The following SLCO5A1 variants were observed in gnomAD, a reference collection of about 807,000 sequenced individuals.
SLCO5A1 encodes the protein solute carrier organic anion transporter family member 5A1.
Under a neutral mutation model 65.1 loss-of-function variants are expected in SLCO5A1, and 39 were observed. The ratio of observed to expected loss-of-function variants is 0.60; its 90% CI spans 0.46 to 0.78. SLCO5A1 has a LOEUF of 0.78. Ranked by LOEUF, SLCO5A1 falls within the 30% of genes least tolerant of loss-of-function variation. The pLI, the probability that SLCO5A1 is intolerant of heterozygous loss-of-function variation, is 0.00. For missense variants in SLCO5A1, 1,029 were observed against 1,069.4 expected (o/e 0.96, Z 0.53); for synonymous variants, 438 against 415.7 (o/e 1.05, Z -0.65).
At chr8:69,825,155 A>T (rs996423282) in intron 2 of SLCO5A1, among the ~76,000 whole-genome samples, 2 of 152,164 alleles carry the variant, frequency 1.3e-5, no homozygotes, top group African/African-American at 4.8e-5. Context: ...TCTCTGACAA[A>T]CCCACAGCCA....
Position 69,832,801 on chromosome 8 carries a change from G to A in SLCO5A1, c.-128C>T, listed in dbSNP as rs1038111755. The stretch of plus-strand genomic sequence containing the variant: ...ACCTGGGACTGGGGCTGGGGGCGCA[G>A]GGCCGCGCAGCAGGGCATCCTCACC... On this transcript the variant is annotated 5_prime_UTR_variant, in exon 2 of 10. Transcript: ENST00000260126. The surrounding 1 kb of genome is among the most constrained non-coding windows in gnomAD (Gnocchi z 4.5). 3.0e-5 allele frequency: 33 copies of A among 1,111,710 alleles called. No individual in the cohort carries two copies. The African/African-American group carries it at 3.8e-4, about 13-fold the overall frequency. 68.9% of individuals were successfully genotyped at this position (1,111,710 alleles called of 1,614,324 possible).
chr8:69,714,812 C>T (rs1815436888), intron 5 of SLCO5A1: 1 of 152,192 alleles, frequency 6.6e-6, no homozygotes, highest in Non-Finnish European at 1.5e-5. Context: ...CTCATTCACT[C>T]ATAATAACAC....
At chr8:69,828,013 C>T (rs935516825) in intron 2 of SLCO5A1, among the ~76,000 whole-genome samples, 1 of 152,090 alleles carries the variant, frequency 6.6e-6, no homozygotes, top group Non-Finnish European at 1.5e-5. Context: ...GAAGGAAGCT[C>T]GAGGGCCCTG....
chr8:69,812,991 C>T (rs920235977), intron 2 of SLCO5A1, among the ~76,000 whole-genome samples: 48 of 152,268 alleles, frequency 3.2e-4, no homozygotes, highest in African/African-American at 1.1e-3. Flanking sequence ...CCCTTTCCAG[C>T]TGAAATAAAA....
Position 69,832,913 on chromosome 8 carries a change from G to A in SLCO5A1, c.-240C>T. The stretch of plus-strand genomic sequence containing the variant: ...GCCACAGGGGGCAGGGGTCCGCGCG[G>A]TACTGCGATGAGCCCTACTCGGCGT... On this transcript the variant is annotated 5_prime_UTR_variant, in exon 2 of 10. Transcript: ENST00000260126. The surrounding 1 kb of genome is among the most constrained non-coding windows in gnomAD (Gnocchi z 4.5). The A allele has an allele frequency of 1.8e-6, 1 of 548,946 alleles. No homozygotes were observed. The allele number at this position is 548,946 out of a possible 1,614,324, so 34.0% of individuals were successfully genotyped here. A position where few individuals can be genotyped will look rare whatever the true frequency, so the allele number is the denominator to read the frequency against.
chr8:69,767,047 T>C (rs1818090077), intron 2 of SLCO5A1, among the ~76,000 whole-genome samples: 2 of 152,194 alleles, frequency 1.3e-5, no homozygotes, highest in African/African-American at 2.4e-5. Context: ...ACTTGATAAA[T>C]TTCATGTTTT....
chr8:69,784,994 G>T (rs78156860), intron 2 of SLCO5A1, among the ~76,000 whole-genome samples: 1 of 139,680 alleles, frequency 7.2e-6, no homozygotes, highest in Non-Finnish European at 1.5e-5. Flanking sequence ...AAAGAAAAGC[G>T]AAAGAAAGAA....
intron 3 of SLCO5A1, 70 bp downstream of exon 3, chr8:69,761,673 T>C: frequency 3.3e-6 from 5 of 1,536,544 alleles, no homozygotes; most frequent in Non-Finnish European, 4.4e-6. Flanking sequence ...AAATTTTAAA[T>C]ACAAGTGTAC....
rs1813387340 is a variant in SLCO5A1 at position 69,672,956 on chromosome 8, G to A, written c.2460C>T (p.Thr820=). 2 of 1,614,218 alleles carry A rather than the reference G, an allele frequency of 1.2e-6. No individual in the cohort carries two copies. Among genetic ancestry groups the A allele is most frequent in the Non-Finnish European group, 1.7e-6 (2 of 1,180,042 alleles). Residue 820 remains threonine (T), a synonymous_variant, in exon 10 of 10, where the codon ACC becomes ACT. Transcript: ENST00000260126. ...LQKGIQCAAQ[T]YPGPFPEAIS... ...TTGCTTCTGGGAAGGGCCCCGGGTA[G>A]GTCTGTGCTGCGCACTGGATCCCTT...
chr8:69,792,672 A>G (rs888021346), intron 2 of SLCO5A1, among the ~76,000 whole-genome samples: 3 of 152,210 alleles, frequency 2.0e-5, no homozygotes, highest in Non-Finnish European at 4.4e-5. Context: ...TGAGAGGTTT[A>G]GGAGAAAAGA....
At chr8:69,801,379 T>C (rs1368187505) in intron 2 of SLCO5A1, among the ~76,000 whole-genome samples, 1 of 152,244 alleles carries the variant, frequency 6.6e-6, no homozygotes, top group Non-Finnish European at 1.5e-5. Flanking sequence ...GTCTTTTTTT[T>C]CCTAATTATT....
chr8:69,682,248 T>C lies in SLCO5A1; in HGVS notation c.1718A>G (p.Asp573Gly). 1 of 1,613,222 alleles carries C rather than the reference T, an allele frequency of 6.2e-7. No individual in the cohort carries two copies. The highest frequency in any genetic ancestry group is 8.5e-7 in the Non-Finnish European group (1 of 1,179,680). The change falls in exon 7 of 10, where the codon GAT (aspartate) becomes GGT (glycine). Residue 573 changes from aspartate to glycine, a missense_variant. Asp to Gly is a moderately conservative substitution (Grantham distance 94). Around this residue, in one of 3 missense-constraint regions of SLCO5A1, gnomAD observed 124 missense variants for 184.5 expected, o/e 0.67. Coordinates refer to ENST00000260126, the MANE Select transcript of SLCO5A1 (RefSeq NM_030958.3). ...ACAAGGGTTAAAGTATGTAATTCCA[T>C]CTGATCCACAGACTGGCTCATACTC... ...IHEYEPVCGS[D>G]GITYFNPCLA...
intron 6 of SLCO5A1, among the ~76,000 whole-genome samples, chr8:69,683,512 C>T (rs1415537711): frequency 6.6e-6 from 1 of 151,996 alleles, no homozygotes; most frequent in Non-Finnish European, 1.5e-5. Context: ...ATGTACATTG[C>T]ACTCAATAGG....
chr8:69,741,725 A>T (rs1463963020), intron 4 of SLCO5A1, among the ~76,000 whole-genome samples: 5 of 152,242 alleles, frequency 3.3e-5, no homozygotes, highest in African/African-American at 9.6e-5. Flanking sequence ...GCCTGCAAAC[A>T]TGCATAAATC....
chr8:69,833,311 A>G (rs1032619042), intron 1 of SLCO5A1, 142 bp from the exon 2 acceptor site: 1 of 152,352 alleles, frequency 6.6e-6, no homozygotes, highest in Non-Finnish European at 1.5e-5. Flanking sequence ...GCCCCGGAGG[A>G]CTAGGCAGCA....
chr8:69,809,916 A>G (rs1820149034), intron 2 of SLCO5A1, among the ~76,000 whole-genome samples: 1 of 152,186 alleles, frequency 6.6e-6, no homozygotes, highest in Admixed American at 6.5e-5. Flanking sequence ...TATGGAGCAC[A>G]ACAATGGTGA....
At chr8:69,709,443 T>A (rs1644350910) in intron 5 of SLCO5A1, among the ~76,000 whole-genome samples, 1 of 152,228 alleles carries the variant, frequency 6.6e-6, no homozygotes, top group African/African-American at 2.4e-5. Flanking sequence ...AGAGGATAAA[T>A]CCGTGGGTGA....
chr8:69,719,990 G>A (rs1223064661), intron 5 of SLCO5A1, among the ~76,000 whole-genome samples: 1 of 152,152 alleles, frequency 6.6e-6, no homozygotes, highest in African/African-American at 2.4e-5. Context: ...CAACAATTGG[G>A]TAGAAATTAC....
At chr8:69,779,024 A>G (rs563292466) in intron 2 of SLCO5A1, among the ~76,000 whole-genome samples, 27 of 152,330 alleles carry the variant, frequency 1.8e-4, no homozygotes, top group Non-Finnish European at 3.8e-4. Flanking sequence ...TCATTTATGT[A>G]TAGTGTATGG....
Sources: gnomAD v4.1 joint callset for allele counts (sites outside exome capture counted in the v4.1 genomes callset) on GRCh38, gnomAD v4.1.1 for gene constraint, gnomAD v4.1.1 regional missense constraint, Gnocchi (gnomAD v3.1) non-coding constraint, MANE v1.5 for transcripts, NCBI Gene and HGNC (gene_info 2026-07-23, HGNC 2026-07-21) for gene names.